The following PHIP variants were observed in gnomAD, a reference collection of about 807,000 sequenced individuals.
PHIP encodes the protein PHIP subunit of CUL4-Ring ligase complex.
A neutral mutation model predicts 236.8 loss-of-function variants in PHIP; 54 were observed. The observed-to-expected ratio is 0.23, with a 90% CI of 0.18 to 0.29. The LOEUF is 0.29. PHIP is among the 10% of genes least tolerant of loss of function. PHIP has a pLI of 1.00. For synonymous variants in PHIP, 756 were observed against 718.9 expected, an observed-to-expected ratio of 1.05 and a Z score of -0.83; for missense variants, 1,370 against 2,190.8, an observed-to-expected ratio of 0.63 and a Z score of 7.48.
intron 35 of PHIP, 36 bp downstream of exon 35, chr6:78,954,778 C>A: frequency 1.4e-6 from 2 of 1,432,978 alleles, no homozygotes; most frequent in Non-Finnish European, 1.9e-6. Flanking sequence ...ATGTAGCAAA[C>A]TGACAGGTAA....
chr6:78,997,814 T>A lies in PHIP; in HGVS notation c.2018-217A>T, dbSNP rs78771030. On this transcript the variant is annotated intron_variant, in intron 18 of 39. Transcript: ENST00000275034. The stretch of plus-strand genomic sequence containing the variant: ...ATTAGATAAGTCAATGAATCATAAC[T>A]ATAGACTATTAAGCCCCAAGGATAC... Among the ~76,000 whole-genome samples, 196 of 152,256 alleles carry A rather than the reference T, an allele frequency of 1.3e-3. 2 individuals are homozygous for A. Among genetic ancestry groups the A allele is most frequent in the South Asian group, 0.012 (57 of 4,832 alleles).
chr6:79,001,558 G>A (rs1769999739), intron 17 of PHIP, among the ~76,000 whole-genome samples: 1 of 151,978 alleles, frequency 6.6e-6, no homozygotes, highest in Non-Finnish European at 1.5e-5. Flanking sequence ...ATCCACTACT[G>A]AATAGCCATG....
intron 20 of PHIP, among the ~76,000 whole-genome samples, chr6:78,990,233 A>T (rs1769140936): frequency 6.6e-6 from 1 of 152,174 alleles, no homozygotes; most frequent in Non-Finnish European, 1.5e-5. Context: ...GAAGCTTTCA[A>T]GCTAAGATGT....
intron 39 of PHIP, among the ~76,000 whole-genome samples, chr6:78,943,318 G>A (rs567303277): frequency 1.3e-5 from 2 of 152,096 alleles, no homozygotes; most frequent in African/African-American, 2.4e-5. Context: ...ACCAGTACTC[G>A]AGTATTTGTA....
At chr6:79,003,964 GA>G (rs1770148403) in intron 15 of PHIP, 106 bp from the exon 16 acceptor site, 4 of 664,168 alleles carry the variant, frequency 6.0e-6, no homozygotes, top group Non-Finnish European at 7.2e-6. Context: ...CTAATGAAGT[GA>G]AGATTAAGTA....
rs549916545 is a variant in PHIP at position 78,943,545 on chromosome 6, CTTA to C, written c.4828+1752_4828+1754del. ...GCAAAGCATTTTGGTTATTCAAACA[CTTA>C]TTATCTTCTGTATAATGGGCATTAA... On this transcript the variant is annotated intron_variant, in intron 39 of 39. Coordinates refer to ENST00000275034, the MANE Select transcript of PHIP (RefSeq NM_017934.7). 3.0e-4 allele frequency among the ~76,000 whole-genome samples: 45 copies of C among 152,256 alleles called. No homozygotes were observed. The South Asian group carries it at 9.1e-3, about 31-fold the overall frequency.
chr6:79,022,670 C>A (rs1483765055), intron 9 of PHIP, among the ~76,000 whole-genome samples: 1 of 152,168 alleles, frequency 6.6e-6, no homozygotes, highest in Admixed American at 6.5e-5. Flanking sequence ...TCTCTTTACA[C>A]CTAAGTCTAA....
rs764073844 is a variant in PHIP, at chr6:78,955,293, A to T, written c.3853-11T>A. 6.3e-7 allele frequency: 1 copy of T among 1,588,210 alleles called. No homozygotes were observed. Among genetic ancestry groups the T allele is most frequent in the Non-Finnish European group, 8.6e-7 (1 of 1,160,040 alleles). ...ATCTTTCTCTTCATCCTTTGAGGCA[A>T]GAATTTACCAGATTCATAAAACATT... is the stretch of plus-strand genomic sequence containing the variant. On this transcript the variant is annotated splice_polypyrimidine_tract_variant and intron_variant, in intron 33 of 39. Coordinates refer to ENST00000275034, the MANE Select transcript of PHIP (RefSeq NM_017934.7).
intron 27 of PHIP, among the ~76,000 whole-genome samples, chr6:78,967,930 C>G (rs961006799): frequency 1.3e-5 from 2 of 151,798 alleles, no homozygotes; most frequent in Non-Finnish European, 2.9e-5. Flanking sequence ...GTCAGGAGAT[C>G]AAGACCATCC....
At chr6:78,941,375 T>C in intron 39 of PHIP, 45 bp from the exon 40 acceptor site, 2 of 1,457,398 alleles carry the variant, frequency 1.4e-6, no homozygotes, top group African/African-American at 1.4e-5. Flanking sequence ...GTTTCTTTTT[T>C]TGTTTGACTC....
intron 27 of PHIP, among the ~76,000 whole-genome samples, chr6:78,968,916 G>A (rs1031678562): frequency 6.6e-6 from 1 of 152,194 alleles, no homozygotes; most frequent in South Asian, 2.1e-4. Context: ...TCTTGAAGGA[G>A]ATTTGGACCT....
chr6:79,023,282 G>A (rs973409087), intron 9 of PHIP, among the ~76,000 whole-genome samples: 2 of 152,074 alleles, frequency 1.3e-5, no homozygotes, highest in Non-Finnish European at 2.9e-5. Flanking sequence ...AATTTCTGTA[G>A]AGACAAGATC....
chr6:78,968,771 G>A (rs908292205), intron 27 of PHIP, among the ~76,000 whole-genome samples: 8 of 151,970 alleles, frequency 5.3e-5, no homozygotes, highest in Admixed American at 1.3e-4. Context: ...TTGGTTTTCA[G>A]TGAATTTACA....
chr6:79,017,319 T>C (rs996744791), intron 12 of PHIP, 27 bp downstream of exon 12: 1 of 1,323,702 alleles, frequency 7.6e-7, no homozygotes, highest in Non-Finnish European at 1.0e-6. Flanking sequence ...ATTTTAAAAT[T>C]AGAATTAAAT....
intron 13 of PHIP, 97 bp downstream of exon 13, chr6:79,016,446 CA>C (rs1770836737): frequency 1.8e-6 from 1 of 567,672 alleles, no homozygotes. Flanking sequence ...GTAATTTTAA[CA>C]TGATATATAA....
intron 32 of PHIP, 134 bp from the exon 33 acceptor site, chr6:78,955,816 C>A: frequency 6.4e-6 from 3 of 465,514 alleles, no homozygotes; most frequent in Non-Finnish European, 1.2e-5. Context: ...TTGGCTTACT[C>A]CAATAATTTA....
chr6:79,013,292 G>T (rs1770682904), intron 15 of PHIP, among the ~76,000 whole-genome samples: 1 of 151,686 alleles, frequency 6.6e-6, no homozygotes, highest in African/African-American at 2.4e-5. Context: ...ATTTTAATGA[G>T]ATGAAGGGTG....
intron 22 of PHIP, among the ~76,000 whole-genome samples, chr6:78,984,752 T>C (rs2127719533): frequency 6.6e-6 from 1 of 152,268 alleles, no homozygotes; most frequent in Non-Finnish European, 1.5e-5. Flanking sequence ...ACTTCATACT[T>C]TGTCTCGTCT....
intron 20 of PHIP, among the ~76,000 whole-genome samples, chr6:78,990,241 T>G (rs570403483): frequency 1.4e-4 from 21 of 152,248 alleles, no homozygotes; most frequent in African/African-American, 5.1e-4. Context: ...CAAGCTAAGA[T>G]GTTTTTCTCC....
Sources: allele counts gnomAD v4.1 joint callset (sites outside exome capture counted in the v4.1 genomes callset), GRCh38; gene constraint gnomAD v4.1.1; transcripts MANE v1.5; gene names NCBI Gene and HGNC (gene_info 2026-07-23, HGNC 2026-07-21).